HSF2BP: variants seen among roughly 807,000 people sequenced by gnomAD.
HSF2BP encodes heat shock factor 2-binding protein.
Under a neutral mutation model 35.0 loss-of-function variants are expected in HSF2BP, and 35 were observed. The observed-to-expected ratio is 1.00, with a 90% CI of 0.76 to 1.32. HSF2BP has a LOEUF of 1.32. HSF2BP is among the 40% of genes most tolerant of loss of function. The probability of loss-of-function intolerance (pLI) is 0.00; values close to 1 mark genes in which losing one functional copy is unlikely to be tolerated. For missense variants in HSF2BP, 326 were observed against 321.7 expected (o/e 1.01, Z -0.10); for synonymous variants, 114 against 117.4 (o/e 0.97, Z 0.18).
chr21:43,589,324 T>TGAA (rs1190600192), intron 8 of HSF2BP, among the ~76,000 whole-genome samples: 1 of 152,138 alleles, frequency 6.6e-6, no homozygotes, highest in Non-Finnish European at 1.5e-5. Context: ...TCTTAACACA[T>TGAA]GAAGAAACAG....
intron 3 of HSF2BP, among the ~76,000 whole-genome samples, chr21:43,651,836 C>T (rs2082790498): frequency 6.6e-6 from 1 of 152,178 alleles, no homozygotes; most frequent in Non-Finnish European, 1.5e-5. Context: ...CCATCAACTC[C>T]CTAAGACTCT....
chr21:43,658,674 C>G (rs2082915943), intron 1 of HSF2BP, among the ~76,000 whole-genome samples: 1 of 152,236 alleles, frequency 6.6e-6, no homozygotes, highest in Non-Finnish European at 1.5e-5. Context: ...GAACCCAAAG[C>G]TAAGATTTCT....
At chr21:43,594,676 GA>G (rs1033797232) in intron 7 of HSF2BP, among the ~76,000 whole-genome samples, 31 of 151,878 alleles carry the variant, frequency 2.0e-4, no homozygotes, top group African/African-American at 7.3e-4. Context: ...AACGAAAAGA[GA>G]AGAAGGGAGA....
intron 7 of HSF2BP, among the ~76,000 whole-genome samples, chr21:43,608,467 T>C (rs138409701): frequency 0.012 from 1,830 of 151,980 alleles, 28 homozygotes; most frequent in African/African-American, 0.041. Flanking sequence ...GCAAAACCAC[T>C]GAAAAAAGGG....
intron 6 of HSF2BP, among the ~76,000 whole-genome samples, chr21:43,620,758 A>ATGGTGATC (rs2082322925): frequency 2.6e-5 from 4 of 152,140 alleles, no homozygotes; most frequent in Non-Finnish European, 5.9e-5. Flanking sequence ...CATCACCATC[A>ATGGTGATC]AACAGAAATC....
chr21:43,622,958 C>A (rs891656725), intron 6 of HSF2BP, among the ~76,000 whole-genome samples: 2 of 137,904 alleles, frequency 1.5e-5, no homozygotes, highest in African/African-American at 5.5e-5. Context: ...AAAGTAGAAT[C>A]ATATCAAACA....
At chr21:43,619,407 T>G (rs1193274892) in intron 6 of HSF2BP, among the ~76,000 whole-genome samples, 1 of 152,192 alleles carries the variant, frequency 6.6e-6, no homozygotes, top group Non-Finnish European at 1.5e-5. Context: ...CAAGTTGGCT[T>G]CACTGCCTCC....
At chr21:43,576,596 AT>A (rs2081647643) in intron 8 of HSF2BP, among the ~76,000 whole-genome samples, 1 of 152,214 alleles carries the variant, frequency 6.6e-6, no homozygotes, top group South Asian at 2.1e-4. Context: ...ACCACATCAC[AT>A]TGATGAAAAG....
intron 6 of HSF2BP, among the ~76,000 whole-genome samples, chr21:43,625,718 A>C (rs2082382106): frequency 6.6e-6 from 1 of 152,174 alleles, no homozygotes; most frequent in African/African-American, 2.4e-5. Context: ...AGCCTCTGCA[A>C]ATCAGCACTT....
intron 7 of HSF2BP, among the ~76,000 whole-genome samples, chr21:43,605,291 C>A (rs1452188559): frequency 2.0e-5 from 3 of 148,870 alleles, no homozygotes; most frequent in African/African-American, 7.4e-5. Flanking sequence ...CACATCACAC[C>A]CCACACACAA....
At chr21:43,647,565 A>C (rs1434449842) in intron 3 of HSF2BP, among the ~76,000 whole-genome samples, 2 of 152,220 alleles carry the variant, frequency 1.3e-5, no homozygotes. Flanking sequence ...TAATAACATG[A>C]GAATGGCTGT....
chr21:43,585,003 T>A (rs1378275785), intron 8 of HSF2BP, among the ~76,000 whole-genome samples: 1 of 152,034 alleles, frequency 6.6e-6, no homozygotes, highest in Non-Finnish European at 1.5e-5. Context: ...TAATTATTTA[T>A]TTATTTATTT....
chr21:43,612,134 C>T (rs934350526), intron 7 of HSF2BP, among the ~76,000 whole-genome samples: 4 of 152,160 alleles, frequency 2.6e-5, no homozygotes, highest in Non-Finnish European at 4.4e-5. Flanking sequence ...GAATCTGACC[C>T]AAAGGGGTTG....
chr21:43,591,419 C>A (rs1401629887), intron 8 of HSF2BP, among the ~76,000 whole-genome samples: 2 of 152,176 alleles, frequency 1.3e-5, no homozygotes, highest in Non-Finnish European at 2.9e-5. Context: ...ATGGGATAGG[C>A]TGATGCTGTT....
Position 43,658,091 on chromosome 21 carries a change from G to T in HSF2BP, c.6C>A (p.Gly2=). ...AGGCCTCCTCAGCGGCGCCCGCTTC[G>T]CCCATGGCCGCTGCCGCCTCCGCTC... M[G]EAGAAEEACR... is the part of the protein sequence containing the mutation. Residue 2 remains glycine (G), a synonymous_variant, in exon 2 of 9, where the codon GGC becomes GGA. Transcript: ENST00000291560. The T allele has an allele frequency of 3.9e-6, 6 of 1,534,484 alleles. No homozygotes were observed. Among genetic ancestry groups the T allele is most frequent in the Non-Finnish European group, 5.2e-6 (6 of 1,145,456 alleles).
intron 4 of HSF2BP, among the ~76,000 whole-genome samples, chr21:43,639,173 T>C (rs913520412): frequency 1.2e-4 from 18 of 152,164 alleles, no homozygotes; most frequent in African/African-American, 3.1e-4. Flanking sequence ...TAGACTTAAA[T>C]GTAAAATGTA....
intron 8 of HSF2BP, among the ~76,000 whole-genome samples, chr21:43,576,672 A>C (rs1342997253): frequency 6.6e-6 from 1 of 152,236 alleles, no homozygotes; most frequent in Non-Finnish European, 1.5e-5. Context: ...ATTCCTACAA[A>C]TACGCTGCAA....
Position 43,658,053 on chromosome 21 carries a change from T to C in HSF2BP, c.36+8A>G, listed in dbSNP as rs1440885842. On this transcript the variant is annotated splice_region_variant and intron_variant, in intron 2 of 8. Coordinates refer to ENST00000291560, the MANE Select transcript of HSF2BP (RefSeq NM_007031.2). ...CACGCTGGCGTCGGCCAGGGCTTCC[T>C]CACTAACCCGGCAGGCCTCCTCAGC... 3.9e-6 allele frequency: 6 copies of C among 1,535,776 alleles called. No homozygotes were observed. Among genetic ancestry groups the C allele is most frequent in the African/African-American group, 2.7e-5 (2 of 72,944 alleles).
intron 7 of HSF2BP, among the ~76,000 whole-genome samples, chr21:43,604,263 A>ACCACACACCACTCACACACATC (rs2082087121): frequency 1.4e-5 from 2 of 143,368 alleles, no homozygotes; most frequent in Admixed American, 6.9e-5. Flanking sequence ...CATCACACAT[A>ACCACACACCACTCACACACATC]CCACACACCA....
Sources: gnomAD v4.1 joint callset for allele counts (sites outside exome capture counted in the v4.1 genomes callset) on GRCh38, gnomAD v4.1.1 for gene constraint, MANE v1.5 for transcripts, NCBI Gene and HGNC (gene_info 2026-07-23, HGNC 2026-07-21) for gene names.